ELP4: variants seen among roughly 807,000 people sequenced by gnomAD.
The protein encoded by ELP4 is elongator acetyltransferase complex subunit 4, also known as elongator complex protein 4.
Under a neutral mutation model 48.9 loss-of-function variants are expected in ELP4, and 51 were observed. The ratio of observed to expected loss-of-function variants is 1.04; its 90% CI spans 0.83 to 1.32. ELP4 has a LOEUF of 1.32. Among genes scored for constraint, ELP4 ranks in the 40% most tolerant of loss-of-function variants. The probability of loss-of-function intolerance (pLI) is 0.00; values close to 1 mark genes in which losing one functional copy is unlikely to be tolerated. For synonymous variants in ELP4, 210 were observed against 189.2 expected (o/e 1.11, Z -0.90); for missense variants, 519 against 514.6 (o/e 1.01, Z -0.08).
chr11:31,691,436 ATT>A (rs1946279200), intron 9 of ELP4, among the ~76,000 whole-genome samples: 1 of 152,100 alleles, frequency 6.6e-6, no homozygotes, highest in East Asian at 1.9e-4. Flanking sequence ...ATTATGCTTC[ATT>A]CAGCTTCTGG....
At chr11:31,668,322 C>T (rs181818199) in intron 9 of ELP4, among the ~76,000 whole-genome samples, 1 of 151,980 alleles carries the variant, frequency 6.6e-6, no homozygotes, top group Non-Finnish European at 1.5e-5. Context: ...TGAAAAATGC[C>T]TTAACACCAT....
At chr11:31,659,781 G>A (rs1420253036) in intron 9 of ELP4, among the ~76,000 whole-genome samples, 1 of 151,888 alleles carries the variant, frequency 6.6e-6, no homozygotes, top group Admixed American at 6.6e-5. Context: ...TGAGGTCAGG[G>A]GTTCGAGACC....
chr11:31,658,744 G>A (rs868170453), intron 9 of ELP4, among the ~76,000 whole-genome samples: 40 of 151,518 alleles, frequency 2.6e-4, no homozygotes, highest in African/African-American at 9.2e-4. Context: ...TGTTATTTTC[G>A]GAGCATCAAA....
chr11:31,642,237 A>G (rs1408705409), intron 7 of ELP4, among the ~76,000 whole-genome samples: 6 of 152,008 alleles, frequency 3.9e-5, no homozygotes, highest in African/African-American at 1.2e-4. Context: ...CAAAACTAAT[A>G]TAAATAAATG....
chr11:31,625,432 TAAAGA>T (rs1187527543), intron 5 of ELP4, among the ~76,000 whole-genome samples: 1 of 151,828 alleles, frequency 6.6e-6, no homozygotes, highest in African/African-American at 2.4e-5. Context: ...GATGAATGAA[TAAAGA>T]AAATGTGGTG....
chr11:31,743,338 C>A (rs1342104231), intron 9 of ELP4, among the ~76,000 whole-genome samples: 1 of 152,004 alleles, frequency 6.6e-6, no homozygotes, highest in East Asian at 1.9e-4. Flanking sequence ...GACAGATCAG[C>A]GAGACAGAAA....
At chr11:31,621,924 C>T (rs1447286771) in intron 5 of ELP4, among the ~76,000 whole-genome samples, 2 of 151,664 alleles carry the variant, frequency 1.3e-5, no homozygotes, top group South Asian at 2.1e-4. Context: ...TTTTAAGTGC[C>T]GTTTGTGTCC....
chr11:31,734,545 G>C (rs1336739401), intron 9 of ELP4, among the ~76,000 whole-genome samples: 1 of 152,196 alleles, frequency 6.6e-6, no homozygotes, highest in Non-Finnish European at 1.5e-5. Flanking sequence ...GGAAAACTTA[G>C]TTGTGTTTCT....
chr11:31,672,177 A>G (rs926464889), intron 9 of ELP4, among the ~76,000 whole-genome samples: 2 of 152,122 alleles, frequency 1.3e-5, no homozygotes, highest in Non-Finnish European at 2.9e-5. Flanking sequence ...CCAGCTTACC[A>G]TCTGGACCCA....
intron 9 of ELP4, chr11:31,664,160 C>T (rs1251868749): frequency 1.3e-5 from 2 of 152,046 alleles, no homozygotes; most frequent in Non-Finnish European, 2.9e-5. Flanking sequence ...TTATAATAAA[C>T]AGATTACTCC....
rs759391101 is a variant in ELP4, at chr11:31,789,912, CTT to C, written c.*6410_*6411del. On this transcript the variant is annotated 3_prime_UTR_variant, in exon 10 of 10. Coordinates refer to ENST00000640961, the MANE Select transcript of ELP4 (RefSeq NM_019040.5). ...CTGAATTAACACAATATTTCCTTTCCTTTTTTTTTTTTTTTTTTTTTTTACTG... is the reference window on the plus strand; with the variant it reads ...CTGAATTAACACAATATTTCCTTTCCTTTTTTTTTTTTTTTTTTTTTACTG... 110,329 of 975,018 alleles carry C rather than the reference CTT, an allele frequency of 0.11. 11 individuals carry two copies. Among genetic ancestry groups the C allele is most frequent in the Non-Finnish European group, 0.12 (83,269 of 682,616 alleles). The allele number at this position is 975,018 out of a possible 1,614,324, so 60.4% of individuals were successfully genotyped here. A position where few individuals can be genotyped will look rare whatever the true frequency, so the allele number is the denominator to read the frequency against.
At chr11:31,608,324 G>A (rs1330295085) in intron 5 of ELP4, among the ~76,000 whole-genome samples, 1 of 152,068 alleles carries the variant, frequency 6.6e-6, no homozygotes, top group South Asian at 2.1e-4. Context: ...TCCTGAATGA[G>A]TTGATATGAG....
intron 9 of ELP4, among the ~76,000 whole-genome samples, chr11:31,743,221 A>G (rs982974618): frequency 6.6e-6 from 1 of 152,230 alleles, no homozygotes; most frequent in Non-Finnish European, 1.5e-5. Flanking sequence ...TATGTTCCCA[A>G]TACAGGAGCA....
At chr11:31,691,226 T>TA (rs1374463081) in intron 9 of ELP4, among the ~76,000 whole-genome samples, 1 of 152,106 alleles carries the variant, frequency 6.6e-6, no homozygotes, top group African/African-American at 2.4e-5. Flanking sequence ...AATTTTTTTT[T>TA]AAATCTCGGA....
chr11:31,688,758 G>A (rs756118783), intron 9 of ELP4, among the ~76,000 whole-genome samples: 1 of 152,146 alleles, frequency 6.6e-6, no homozygotes, highest in South Asian at 2.1e-4. Flanking sequence ...AGAGTGAACA[G>A]TATGTAGAAG....
At chr11:31,733,699 A>G (rs534861522) in intron 9 of ELP4, among the ~76,000 whole-genome samples, 3 of 152,322 alleles carry the variant, frequency 2.0e-5, no homozygotes, top group Admixed American at 6.5e-5. Flanking sequence ...AATATAATTA[A>G]TAAGGCTATT....
At chr11:31,735,921 A>G (rs548975392) in intron 9 of ELP4, among the ~76,000 whole-genome samples, 1,655 of 152,268 alleles carry the variant, frequency 0.011, 29 homozygotes, top group African/African-American at 0.038. Flanking sequence ...TATAGATTCA[A>G]TGCCATCCCC....
At chr11:31,612,509 A>G (rs1958001264) in intron 5 of ELP4, among the ~76,000 whole-genome samples, 1 of 152,174 alleles carries the variant, frequency 6.6e-6, no homozygotes, top group African/African-American at 2.4e-5. Flanking sequence ...AGTGAGTAGG[A>G]CAAAGAACAA....
intron 9 of ELP4, among the ~76,000 whole-genome samples, chr11:31,661,397 C>A (rs1024298699): frequency 9.2e-5 from 14 of 151,996 alleles, no homozygotes; most frequent in African/African-American, 2.4e-5. Flanking sequence ...TTATTTAGTT[C>A]TTGAATATCC....
Sources: gnomAD v4.1 joint callset for allele counts (sites outside exome capture counted in the v4.1 genomes callset) on GRCh38, gnomAD v4.1.1 for gene constraint, MANE v1.5 for transcripts, NCBI Gene and HGNC (gene_info 2026-07-23, HGNC 2026-07-21) for gene names.